Variants in CLMN observed in about 807,000 individuals in gnomAD.
CLMN encodes calmin (calponin-like, transmembrane).
In CLMN, 57 loss-of-function variants were observed where a neutral mutation model predicts 92.7. That is an observed-to-expected ratio of 0.61 (90% CI 0.50 to 0.77). The LOEUF (loss-of-function observed/expected upper bound fraction) is 0.77, where lower values mean the gene tolerates loss of function less well. Among genes scored for constraint, CLMN ranks in the 30% least tolerant of loss-of-function variants. CLMN has a pLI of 0.00. For missense variants in CLMN, 1,158 were observed against 1,237.5 expected, an observed-to-expected ratio of 0.94 and a Z score of 0.96; for synonymous variants, 466 against 470.6, an observed-to-expected ratio of 0.99 and a Z score of 0.13.
chr14:95,225,803 C>T (rs535568940), intron 2 of CLMN, among the ~76,000 whole-genome samples: 3 of 152,168 alleles, frequency 2.0e-5, no homozygotes, highest in African/African-American at 7.2e-5. Context: ...AGGAAAAGAG[C>T]CAGAAGCCCC....
chr14:95,316,880 G>C (rs1159100311), intron 1 of CLMN, among the ~76,000 whole-genome samples: 1 of 152,302 alleles, frequency 6.6e-6, no homozygotes, highest in South Asian at 2.1e-4. Context: ...AGCAGCTGCT[G>C]CCTACAGATG....
chr14:95,302,368 A>T (rs1252807527), intron 1 of CLMN, among the ~76,000 whole-genome samples: 3 of 152,138 alleles, frequency 2.0e-5, no homozygotes, highest in Non-Finnish European at 2.9e-5. Context: ...GGAGGGAGGA[A>T]GGAAAAGGTT....
intron 2 of CLMN, among the ~76,000 whole-genome samples, chr14:95,227,249 A>G (rs1897740398): frequency 6.6e-6 from 1 of 151,968 alleles, no homozygotes. Flanking sequence ...GCATTTCCTT[A>G]CCCTTTATAC....
intron 1 of CLMN, among the ~76,000 whole-genome samples, chr14:95,230,498 G>T (rs1263781722): frequency 6.6e-6 from 1 of 152,254 alleles, no homozygotes; most frequent in Non-Finnish European, 1.5e-5. Context: ...CCCAGTGGCA[G>T]TGATGGGCAT....
intron 4 of CLMN, among the ~76,000 whole-genome samples, chr14:95,217,283 C>T (rs1047038034): frequency 1.3e-5 from 2 of 152,154 alleles, no homozygotes; most frequent in African/African-American, 2.4e-5. Flanking sequence ...TATTTCTTTC[C>T]TCTCTCTCTT....
chr14:95,263,312 CAGG>C (rs1899333458), intron 1 of CLMN, among the ~76,000 whole-genome samples: 1 of 152,156 alleles, frequency 6.6e-6, no homozygotes, highest in South Asian at 2.1e-4. Context: ...CTCTCACTAT[CAGG>C]AGAACAGCAT....
intron 1 of CLMN, among the ~76,000 whole-genome samples, chr14:95,234,562 G>A (rs1897991391): frequency 6.6e-6 from 1 of 152,246 alleles, no homozygotes; most frequent in Non-Finnish European, 1.5e-5. Context: ...TAATGGGCAA[G>A]GATAGAGTCA....
intron 5 of CLMN, among the ~76,000 whole-genome samples, chr14:95,213,983 A>C (rs1448382946): frequency 1.3e-5 from 2 of 151,334 alleles, no homozygotes; most frequent in African/African-American, 4.9e-5. Flanking sequence ...GGTCTAGCGC[A>C]CTCCTACTCA....
At chr14:95,291,879 CAT>C (rs1037009110) in intron 1 of CLMN, among the ~76,000 whole-genome samples, 60 of 152,180 alleles carry the variant, frequency 3.9e-4, no homozygotes, top group African/African-American at 1.4e-3. Flanking sequence ...ACATTTAAAA[CAT>C]GGGAAAATTC....
At chr14:95,235,047 G>A (rs1898006244) in intron 1 of CLMN, among the ~76,000 whole-genome samples, 1 of 152,052 alleles carries the variant, frequency 6.6e-6, no homozygotes, top group Admixed American at 6.6e-5. Context: ...ATACAGAAAA[G>A]CATAGAGAAA....
chr14:95,251,565 C>T (rs1595060196), intron 1 of CLMN, among the ~76,000 whole-genome samples: 2 of 152,158 alleles, frequency 1.3e-5, no homozygotes, highest in East Asian at 3.8e-4. Context: ...CTGTGCATGG[C>T]TCTGGGCACT....
chr14:95,251,273 A>G (rs17091967), intron 1 of CLMN, among the ~76,000 whole-genome samples: 22,894 of 152,074 alleles, frequency 0.15, 2,941 homozygotes, highest in African/African-American at 0.34. Flanking sequence ...TGTGATATTC[A>G]TTTTGTGGAT....
rs1222626090 is a variant in CLMN, at chr14:95,184,151, A to G, written c.*7413T>C. 6.6e-6 allele frequency: 1 copy of G among 152,232 alleles called. No individual in the cohort carries two copies. The highest frequency in any genetic ancestry group is 1.5e-5 in the Non-Finnish European group (1 of 68,034). 9.4% of individuals were successfully genotyped at this position (152,232 alleles called of 1,614,324 possible). On this transcript the variant is annotated 3_prime_UTR_variant, in exon 13 of 13. Coordinates refer to ENST00000298912, the MANE Select transcript of CLMN (RefSeq NM_024734.4). ...TTTCAAGAAAAGTATTTTTCATCCAACAAATATGTGCTGAATGCCTATAAT... is the reference window on the plus strand; with the variant it reads ...TTTCAAGAAAAGTATTTTTCATCCAGCAAATATGTGCTGAATGCCTATAAT...
chr14:95,278,953 C>T (rs1900039983), intron 1 of CLMN, among the ~76,000 whole-genome samples: 1 of 152,156 alleles, frequency 6.6e-6, no homozygotes, highest in Admixed American at 6.5e-5. Flanking sequence ...GGCCCTGTTC[C>T]TTGAAGGACT....
At chr14:95,199,768 T>C (rs1187622) in intron 9 of CLMN, among the ~76,000 whole-genome samples, 18,212 of 151,666 alleles carry the variant, frequency 0.12, 1,589 homozygotes, top group East Asian at 0.44. Flanking sequence ...GCCATTTGCA[T>C]TGACTTTGAA....
intron 1 of CLMN, among the ~76,000 whole-genome samples, chr14:95,258,985 C>T (rs772701988): frequency 2.8e-5 from 4 of 144,392 alleles, no homozygotes; most frequent in East Asian, 2.1e-4. Flanking sequence ...GGTGTGTGTG[C>T]GTGGAGAGTG....
intron 9 of CLMN, among the ~76,000 whole-genome samples, chr14:95,201,324 T>G (rs1195184559): frequency 1.3e-5 from 2 of 151,758 alleles, no homozygotes; most frequent in African/African-American, 4.8e-5. Context: ...TGGAGACCCT[T>G]GGGAGTCACA....
rs1199957614 is a variant in CLMN at position 95,282,233 on chromosome 14, ATTC to A, written c.82+37475_82+37477del. Among the ~76,000 whole-genome samples, 6 of 152,212 alleles carry A rather than the reference ATTC, an allele frequency of 3.9e-5. No homozygotes were observed. In the East Asian group the frequency reaches 1.2e-3, roughly 29 times the overall value. On this transcript the variant is annotated intron_variant, in intron 1 of 12. Coordinates refer to ENST00000298912, the MANE Select transcript of CLMN (RefSeq NM_024734.4). ...GAAGGCAAATGCCAGATCTTGAACA[ATTC>A]TTCTTGCACTAAGATTTGCACTTCT... is the stretch of plus-strand genomic sequence containing the variant.
Position 95,183,941 on chromosome 14 carries a change from C to T in CLMN, c.*7623G>A, listed in dbSNP as rs1896382409. 6.6e-6 allele frequency: 1 copy of T among 152,106 alleles called. No individual in the cohort carries two copies. Among genetic ancestry groups the T allele is most frequent in the African/African-American group, 2.4e-5 (1 of 41,418 alleles). The allele number at this position is 152,106 out of a possible 1,614,324, so 9.4% of individuals were successfully genotyped here. A position where few individuals can be genotyped will look rare whatever the true frequency, so the allele number is the denominator to read the frequency against. On this transcript the variant is annotated 3_prime_UTR_variant, in exon 13 of 13. Coordinates refer to ENST00000298912, the MANE Select transcript of CLMN (RefSeq NM_024734.4). ...AATGAGTAAACAATGGCTTAAACTT[C>T]CTCTTGCAAAAAGGCCTGAGTTAGA...
Sources: gnomAD v4.1 joint callset for allele counts (sites outside exome capture counted in the v4.1 genomes callset) on GRCh38, gnomAD v4.1.1 for gene constraint, MANE v1.5 for transcripts, NCBI Gene and HGNC (gene_info 2026-07-23, HGNC 2026-07-21) for gene names.